GRID2: variants seen among roughly 807,000 people sequenced by gnomAD.
GRID2 encodes the protein glutamate ionotropic receptor delta type subunit 2.
A neutral mutation model predicts 114.8 loss-of-function variants in GRID2; 33 were observed. The ratio of observed to expected loss-of-function variants is 0.29; its 90% CI spans 0.22 to 0.38. GRID2 has a LOEUF of 0.38. Among genes scored for constraint, GRID2 ranks in the 10% least tolerant of loss-of-function variants. The probability of loss-of-function intolerance (pLI) is 1.00; values close to 1 mark genes in which losing one functional copy is unlikely to be tolerated. For synonymous variants in GRID2, 505 were observed against 449.9 expected (o/e 1.12, Z -1.55); for missense variants, 1,184 against 1,257.7 (o/e 0.94, Z 0.89).
At chr4:93,141,388 T>A (rs1735754149) in intron 4 of GRID2, among the ~76,000 whole-genome samples, 1 of 152,130 alleles carries the variant, frequency 6.6e-6, no homozygotes, top group Non-Finnish European at 1.5e-5. Context: ...ATAAAGTGGA[T>A]CCTAGATCCT....
chr4:92,722,481 A>G (rs146778661), intron 2 of GRID2, among the ~76,000 whole-genome samples: 20 of 152,284 alleles, frequency 1.3e-4, no homozygotes, highest in African/African-American at 4.6e-4. Flanking sequence ...TCCAGAATAT[A>G]ACTGAACATT....
At chr4:92,315,078 A>G (rs1369646955) in intron 1 of GRID2, among the ~76,000 whole-genome samples, 1 of 152,146 alleles carries the variant, frequency 6.6e-6, no homozygotes, top group Non-Finnish European at 1.5e-5. Context: ...AGCCTTTTGA[A>G]TATGAATCTT....
intron 13 of GRID2, among the ~76,000 whole-genome samples, chr4:93,592,768 C>T (rs368993023): frequency 2.0e-5 from 3 of 152,234 alleles, no homozygotes; most frequent in Non-Finnish European, 4.4e-5. Flanking sequence ...ATATTTAGGA[C>T]AGTTAGCTCT....
Position 93,211,159 on chromosome 4 carries a change from C to T in GRID2, c.789+3702C>T, listed in dbSNP as rs551343480. On this transcript the variant is annotated intron_variant, in intron 5 of 15. Coordinates refer to ENST00000282020, the MANE Select transcript of GRID2 (RefSeq NM_001510.4). ...ATCCAATTTAGCTTCCACAAGTATA[C>T]CTGAACTTAAAAGTATAAACTGAAA... Among the ~76,000 whole-genome samples the T allele has an allele frequency of 2.0e-5, 3 of 151,940 alleles. No individual in the cohort carries two copies. In the East Asian group the frequency reaches 5.8e-4, roughly 29 times the overall value.
intron 1 of GRID2, among the ~76,000 whole-genome samples, chr4:92,367,466 C>T (rs920496116): frequency 3.3e-5 from 5 of 151,834 alleles, no homozygotes; most frequent in Non-Finnish European, 5.9e-5. Flanking sequence ...TCAGAAGGAG[C>T]TTGCCATGGA....
intron 14 of GRID2, among the ~76,000 whole-genome samples, chr4:93,753,240 G>A (rs1021786963): frequency 6.6e-6 from 1 of 152,158 alleles, no homozygotes; most frequent in African/African-American, 2.4e-5. Context: ...CTCAGGCTAG[G>A]ATTAGTAACA....
chr4:92,922,831 A>T (rs1054598954), intron 2 of GRID2, among the ~76,000 whole-genome samples: 1 of 152,202 alleles, frequency 6.6e-6, no homozygotes. Context: ...CATTCAAAAC[A>T]TCAGAAATGG....
chr4:93,798,968 G>T (rs1734864075), intron 1 of GRID2, among the ~76,000 whole-genome samples: 1 of 152,134 alleles, frequency 6.6e-6, no homozygotes, highest in Non-Finnish European at 1.5e-5. Flanking sequence ...AAAAGCAGGG[G>T]GTAGGCAATA....
intron 7 of GRID2, among the ~76,000 whole-genome samples, chr4:93,227,817 C>A (rs1169221770): frequency 1.3e-5 from 2 of 152,312 alleles, no homozygotes; most frequent in Non-Finnish European, 1.5e-5. Context: ...GGATGGCTTT[C>A]AATCCAGTTT....
At chr4:93,247,711 C>A (rs1407521283) in intron 8 of GRID2, among the ~76,000 whole-genome samples, 2 of 151,832 alleles carry the variant, frequency 1.3e-5, no homozygotes, top group African/African-American at 4.8e-5. Flanking sequence ...GAGCCAATCT[C>A]TCATATCAAA....
chr4:93,490,769 T>C lies in GRID2; in HGVS notation c.1989T>C (p.Ser663=). 1.2e-6 allele frequency: 2 copies of C among 1,606,590 alleles called. No homozygotes were observed. Among genetic ancestry groups the C allele is most frequent in the Non-Finnish European group, 1.7e-6 (2 of 1,174,944 alleles). ...AAFLTITRIE[S]SIQSLQDLSK... ...TCCTCACTATTACACGCATTGAAAG[T>C]TCCATCCAGTAAGTAAACAATGTTT... The change falls in exon 12 of 16, where the codon AGT becomes AGC. Residue 663 remains serine (S), a synonymous_variant. Transcript: ENST00000282020.
At chr4:92,443,190 G>T (rs1437629482) in intron 1 of GRID2, among the ~76,000 whole-genome samples, 1 of 152,126 alleles carries the variant, frequency 6.6e-6, no homozygotes, top group Non-Finnish European at 1.5e-5. Context: ...AGAATGCCTG[G>T]ACGTCAGGCA....
exon 2 of GRID2, chr4:93,808,961 C>T (rs1300337442): frequency 1.3e-5 from 2 of 152,184 alleles, no homozygotes; most frequent in African/African-American, 4.8e-5. Flanking sequence ...GATACCTAGA[C>T]ACTTATTTAA....
intron 2 of GRID2, among the ~76,000 whole-genome samples, chr4:92,802,797 C>T (rs1370167413): frequency 2.0e-5 from 3 of 151,858 alleles, no homozygotes; most frequent in Non-Finnish European, 2.9e-5. Context: ...GATGCCTCCA[C>T]GATATGTTGC....
chr4:93,739,535 A>G (rs1423739235), intron 14 of GRID2, among the ~76,000 whole-genome samples: 1 of 152,118 alleles, frequency 6.6e-6, no homozygotes, highest in South Asian at 2.1e-4. Flanking sequence ...TTTTAAAGGG[A>G]TAACTATTTA....
chr4:92,384,607 TAATATATGTTA>T (rs1729829611), intron 1 of GRID2, among the ~76,000 whole-genome samples: 1 of 53,392 alleles, frequency 1.9e-5, no homozygotes, highest in Non-Finnish European at 3.6e-5. Context: ...ACATAATATA[TAATATATGTTA>T]TATATTATAT....
chr4:93,096,223 T>C (rs1731216455), intron 3 of GRID2, among the ~76,000 whole-genome samples: 1 of 151,990 alleles, frequency 6.6e-6, no homozygotes, highest in Non-Finnish European at 1.5e-5. Flanking sequence ...TAATTCAAGA[T>C]TTATCACATA....
At chr4:93,455,573 A>ATTTTTTTTTTTTTTTTTTTTT in intron 10 of GRID2, 89 bp from the exon 11 acceptor site, 1 of 761,496 alleles carries the variant, frequency 1.3e-6, no homozygotes, top group Non-Finnish European at 2.2e-6. Context: ...TGAGGCATCT[A>ATTTTTTTTTTTTTTTTTTTTT]TTTTTTTTTC....
At chr4:93,310,572 T>C (rs1035010754) in intron 8 of GRID2, among the ~76,000 whole-genome samples, 1 of 152,106 alleles carries the variant, frequency 6.6e-6, no homozygotes, top group African/African-American at 2.4e-5. Flanking sequence ...CACAGAAAGA[T>C]GAGCAGGTTT....
Sources: allele counts gnomAD v4.1 joint callset (sites outside exome capture counted in the v4.1 genomes callset), GRCh38; gene constraint gnomAD v4.1.1; transcripts MANE v1.5; gene names NCBI Gene and HGNC (gene_info 2026-07-23, HGNC 2026-07-21).